The following SLC25A12 variants were observed in gnomAD, a reference collection of about 807,000 sequenced individuals.
SLC25A12 encodes the protein electrogenic aspartate/glutamate antiporter SLC25A12, mitochondrial.
A neutral mutation model predicts 83.3 loss-of-function variants in SLC25A12; 32 were observed. The ratio of observed to expected loss-of-function variants is 0.38; its 90% CI spans 0.29 to 0.52. SLC25A12 has a LOEUF of 0.52. SLC25A12 is among the 20% of genes least tolerant of loss of function. The probability of loss-of-function intolerance (pLI) is 0.84; values close to 1 mark genes in which losing one functional copy is unlikely to be tolerated. For synonymous variants in SLC25A12, 267 were observed against 291.1 expected (o/e 0.92, Z 0.84); for missense variants, 611 against 835.6 (o/e 0.73, Z 3.31).
intron 13 of SLC25A12, among the ~76,000 whole-genome samples, chr2:171,808,897 C>T (rs1313038228): frequency 3.3e-5 from 5 of 151,324 alleles, no homozygotes; most frequent in Non-Finnish European, 7.4e-5. Context: ...ATGCTCCCTG[C>T]CCTGTGTCCA....
At chr2:171,871,023 G>A (rs1685445529) in intron 2 of SLC25A12, among the ~76,000 whole-genome samples, 4 of 151,986 alleles carry the variant, frequency 2.6e-5, no homozygotes, top group African/African-American at 9.7e-5. Flanking sequence ...GCAACATGGA[G>A]AGACCAGGTC....
At chr2:171,807,510 C>T (rs3821096) in intron 13 of SLC25A12, among the ~76,000 whole-genome samples, 123,994 of 152,170 alleles carry the variant, frequency 0.81, 51,674 homozygotes, top group Middle Eastern at 0.91. Flanking sequence ...ATATTGCAAA[C>T]GGAAACAAAT....
At chr2:171,788,702 G>A (rs1274983911) in intron 15 of SLC25A12, 1 of 152,354 alleles carries the variant, frequency 6.6e-6, no homozygotes, top group African/African-American at 2.4e-5. Flanking sequence ...TTCCCCGGGG[G>A]AAGAAATTCA....
intron 15 of SLC25A12, among the ~76,000 whole-genome samples, chr2:171,790,588 T>G (rs1683432498): frequency 6.6e-6 from 1 of 152,226 alleles, no homozygotes; most frequent in Non-Finnish European, 1.5e-5. Context: ...ATTGAGCACC[T>G]ATTACTATTA....
chr2:171,797,803 CAAT>C (rs901608375), intron 13 of SLC25A12, among the ~76,000 whole-genome samples: 22 of 152,248 alleles, frequency 1.4e-4, no homozygotes, highest in South Asian at 1.2e-3. Context: ...AATTAAATCA[CAAT>C]GATACACAGC....
intron 4 of SLC25A12, among the ~76,000 whole-genome samples, chr2:171,852,005 G>A (rs1558931644): frequency 6.6e-6 from 1 of 152,184 alleles, no homozygotes; most frequent in Non-Finnish European, 1.5e-5. Context: ...CACCAGTCAT[G>A]CAATAGCCTC....
intron 7 of SLC25A12, 200 bp from the exon 8 acceptor site, chr2:171,834,256 G>C (rs917813733): frequency 4.3e-5 from 23 of 541,140 alleles, no homozygotes; most frequent in Non-Finnish European, 7.6e-5. Flanking sequence ...AAAATGTTAA[G>C]ATGATAAAAC....
At position 171,787,589 on chromosome 2, in the gene SLC25A12, T is replaced by C; in HGVS notation, c.1817A>G (p.Tyr606Cys). The change falls in exon 17 of 18, where the codon TAC (tyrosine) becomes TGC (cysteine). Residue 606 changes from tyrosine to cysteine, a missense_variant. Tyr to Cys is a radical substitution (Grantham distance 194, BLOSUM62 -2). Coordinates refer to ENST00000422440, the MANE Select transcript of SLC25A12 (RefSeq NM_003705.5). ...VTYELLQRWF[Y>C]IDFGGLKPAG... is the part of the protein sequence containing the mutation. ...GACTTACAGGCCTCCAAAATCAATG[T>C]AAAACCACCGCTGGAGAAGTTCATA... 6.2e-7 allele frequency: 1 copy of C among 1,613,892 alleles called. No homozygotes were observed. Among genetic ancestry groups the C allele is most frequent in the Admixed American group, 1.7e-5 (1 of 60,004 alleles).
intron 13 of SLC25A12, among the ~76,000 whole-genome samples, chr2:171,806,547 A>C (rs566400263): frequency 6.6e-6 from 1 of 152,246 alleles, no homozygotes; most frequent in Non-Finnish European, 1.5e-5. Context: ...AGAGATTTTC[A>C]CTTCTAGGTC....
intron 2 of SLC25A12, among the ~76,000 whole-genome samples, chr2:171,878,612 A>C (rs1685619828): frequency 6.6e-6 from 1 of 152,192 alleles, no homozygotes; most frequent in African/African-American, 2.4e-5. Flanking sequence ...TCTAACCAAC[A>C]TGTGGCTGTA....
chr2:171,808,666 C>T (rs1355779995), intron 13 of SLC25A12, among the ~76,000 whole-genome samples: 3 of 152,128 alleles, frequency 2.0e-5, no homozygotes, highest in African/African-American at 7.2e-5. Flanking sequence ...GCTTTAGGAG[C>T]ATCAAAGAGA....
intron 4 of SLC25A12, among the ~76,000 whole-genome samples, chr2:171,850,337 G>GTTTTTTT (rs55922545): frequency 1.8e-5 from 1 of 56,164 alleles, no homozygotes; most frequent in Non-Finnish European, 3.2e-5. Context: ...GCTGGTCTTT[G>GTTTTTTT]TTTTTTTTTT....
intron 17 of SLC25A12, 89 bp from the exon 18 acceptor site, chr2:171,785,564 C>CA (rs1188996293): frequency 2.6e-6 from 3 of 1,145,140 alleles, no homozygotes; most frequent in Non-Finnish European, 4.0e-6. Context: ...ACCCATGTGC[C>CA]ACAAAGAAGA....
intron 2 of SLC25A12, among the ~76,000 whole-genome samples, chr2:171,874,482 G>A (rs1685522951): frequency 6.6e-6 from 1 of 152,078 alleles, no homozygotes; most frequent in South Asian, 2.1e-4. Flanking sequence ...TTGCTTCTTT[G>A]TTTCATTAAC....
chr2:171,820,121 G>T (rs1433290053), intron 9 of SLC25A12, among the ~76,000 whole-genome samples: 1 of 152,142 alleles, frequency 6.6e-6, no homozygotes, highest in African/African-American at 2.4e-5. Flanking sequence ...TAACTATCGG[G>T]TACTGGGCTT....
At chr2:171,792,271 C>G (rs2105838455) in intron 14 of SLC25A12, among the ~76,000 whole-genome samples, 1 of 151,582 alleles carries the variant, frequency 6.6e-6, no homozygotes, top group Non-Finnish European at 1.5e-5. Context: ...TTTTTAATGA[C>G]TCTGTTTTAT....
At chr2:171,799,046 T>C (rs894411979) in intron 13 of SLC25A12, among the ~76,000 whole-genome samples, 1 of 151,924 alleles carries the variant, frequency 6.6e-6, no homozygotes, top group African/African-American at 2.4e-5. Context: ...GCAAGGTACA[T>C]GCAAGCACAC....
chr2:171,809,588 C>T lies in SLC25A12; in HGVS notation c.1305+18G>A, dbSNP rs1319458855. 1 of 1,593,750 alleles carries T rather than the reference C, an allele frequency of 6.3e-7. No homozygotes were observed. Among genetic ancestry groups the T allele is most frequent in the African/African-American group, 1.3e-5 (1 of 74,652 alleles). On this transcript the variant is annotated intron_variant, in intron 13 of 17. Transcript: ENST00000422440. ...CGGAATGTATTTGTCACAAGAAGCG[C>T]CTAACAGTAATACTTACACAGCCTC... is the stretch of plus-strand genomic sequence containing the variant.
intron 3 of SLC25A12, among the ~76,000 whole-genome samples, chr2:171,866,895 A>AG (rs1304716534): frequency 6.8e-6 from 1 of 147,742 alleles, no homozygotes; most frequent in Non-Finnish European, 1.5e-5. Context: ...TGCCGGGCGG[A>AG]GGGGCTCCTC....
Sources: allele counts gnomAD v4.1 joint callset (sites outside exome capture counted in the v4.1 genomes callset), GRCh38; gene constraint gnomAD v4.1.1; transcripts MANE v1.5; gene names NCBI Gene and HGNC (gene_info 2026-07-23, HGNC 2026-07-21).